The following GRM1 variants were observed in gnomAD, a reference collection of about 807,000 sequenced individuals.
The protein encoded by GRM1 is glutamate metabotropic receptor 1.
GRM1 carries 33 observed loss-of-function variants against 90.9 expected under a neutral mutation model. The observed-to-expected ratio is 0.36, with a 90% CI of 0.28 to 0.49. The LOEUF (loss-of-function observed/expected upper bound fraction) is 0.49, where lower values mean the gene tolerates loss of function less well. Ranked by LOEUF, GRM1 falls within the 20% of genes least tolerant of loss-of-function variation. The probability of loss-of-function intolerance (pLI) is 0.99; values close to 1 mark genes in which losing one functional copy is unlikely to be tolerated. For missense variants in GRM1, 1,190 were observed against 1,534.3 expected (o/e 0.78, Z 3.75); for synonymous variants, 700 against 613.2 (o/e 1.14, Z -2.09).
intron 6 of GRM1, among the ~76,000 whole-genome samples, chr6:146,392,293 G>A (rs994705505): frequency 1.3e-5 from 2 of 152,084 alleles, no homozygotes; most frequent in South Asian, 4.1e-4. Context: ...CCAATCCACA[G>A]TTAAAGTCTA....
chr6:146,252,001 T>C (rs1005701811), intron 2 of GRM1, among the ~76,000 whole-genome samples: 11 of 152,306 alleles, frequency 7.2e-5, no homozygotes, highest in Non-Finnish European at 1.5e-4. Flanking sequence ...ACCACCTTCA[T>C]AGAATTGTAA....
At chr6:146,241,623 T>G (rs765664556) in intron 2 of GRM1, among the ~76,000 whole-genome samples, 1 of 152,130 alleles carries the variant, frequency 6.6e-6, no homozygotes, top group Non-Finnish European at 1.5e-5. Context: ...CACTAACTGT[T>G]TAATATCCAT....
chr6:146,201,534 A>G (rs1779296897), intron 2 of GRM1, among the ~76,000 whole-genome samples: 1 of 152,162 alleles, frequency 6.6e-6, no homozygotes, highest in South Asian at 2.1e-4. Context: ...AGAGACAGAG[A>G]TCATCTCTCT....
intron 2 of GRM1, among the ~76,000 whole-genome samples, chr6:146,272,036 C>G (rs1350278883): frequency 6.6e-6 from 1 of 152,150 alleles, no homozygotes; most frequent in Non-Finnish European, 1.5e-5. Flanking sequence ...TCAGTGTTTT[C>G]AGTGTTCCAA....
intron 2 of GRM1, among the ~76,000 whole-genome samples, chr6:146,205,368 C>A (rs1056234382): frequency 1.3e-5 from 2 of 151,958 alleles, no homozygotes; most frequent in Non-Finnish European, 2.9e-5. Context: ...TATTTATTTT[C>A]CTCATTCCTT....
chr6:146,341,686 T>A lies in GRM1; in HGVS notation c.1187-10564T>A, dbSNP rs554755084. Among the ~76,000 whole-genome samples the A allele has an allele frequency of 2.0e-5, 3 of 152,282 alleles. No homozygotes were observed. In the South Asian group the frequency reaches 6.2e-4, roughly 32 times the overall value. On this transcript the variant is annotated intron_variant, in intron 3 of 7. Coordinates refer to ENST00000282753, the MANE Select transcript of GRM1 (RefSeq NM_001278064.2). ...AAAGTTCCACAGTCAACAGAAACAT[T>A]GGCCCAGAGATGCTAAACTCCGTAT...
chr6:146,426,358 T>C (rs566040862), intron 7 of GRM1, among the ~76,000 whole-genome samples: 1 of 152,056 alleles, frequency 6.6e-6, no homozygotes, highest in South Asian at 2.1e-4. Context: ...TGGAAAGAGA[T>C]GCACCCCACT....
chr6:146,140,577 G>A (rs2128883826), intron 1 of GRM1, among the ~76,000 whole-genome samples: 1 of 152,226 alleles, frequency 6.6e-6, no homozygotes, highest in Non-Finnish European at 1.5e-5. Flanking sequence ...CCTGTTATAT[G>A]TTTTTTGGTT....
At chr6:146,135,943 C>T (rs112961758) in intron 1 of GRM1, among the ~76,000 whole-genome samples, 4 of 152,126 alleles carry the variant, frequency 2.6e-5, no homozygotes, top group Non-Finnish European at 4.4e-5. Context: ...CTACCCTTCC[C>T]AGCCTCTGGG....
At chr6:146,246,004 A>G (rs1781048053) in intron 2 of GRM1, among the ~76,000 whole-genome samples, 1 of 152,210 alleles carries the variant, frequency 6.6e-6, no homozygotes, top group Non-Finnish European at 1.5e-5. Flanking sequence ...CTTCTGATGT[A>G]CACTCTTATT....
chr6:146,324,068 G>A (rs765512858), intron 3 of GRM1, among the ~76,000 whole-genome samples: 4 of 152,164 alleles, frequency 2.6e-5, no homozygotes, highest in African/African-American at 4.8e-5. Context: ...TTGACTTGGC[G>A]ATGTTCTTTC....
intron 1 of GRM1, among the ~76,000 whole-genome samples, chr6:146,041,289 C>A (rs1791092901): frequency 6.6e-6 from 1 of 151,988 alleles, no homozygotes; most frequent in Admixed American, 6.6e-5. Flanking sequence ...AAGGTTATGG[C>A]TCCCTGTTTG....
At chr6:146,431,957 A>G (rs1178468640) in intron 7 of GRM1, among the ~76,000 whole-genome samples, 1 of 152,234 alleles carries the variant, frequency 6.6e-6, no homozygotes, top group East Asian at 1.9e-4. Flanking sequence ...CAGAAGAGCA[A>G]CTGTGGATTC....
In GRM1 at chr6:146,225,770, A is replaced by G. The variant is rs145678702; in HGVS notation, c.950+66173A>G. ...ATAATGGGATTATTAGAGTATTTGT[A>G]TGTTCATCAAAATAATAGAAATTTT... On this transcript the variant is annotated intron_variant, in intron 2 of 7. Transcript: ENST00000282753. Among the ~76,000 whole-genome samples, 1,359 of 152,268 alleles carry G rather than the reference A, an allele frequency of 8.9e-3. 10 individuals are homozygous for G. The highest frequency in any genetic ancestry group is 0.015 in the Non-Finnish European group (1,028 of 67,996).
intron 1 of GRM1, among the ~76,000 whole-genome samples, chr6:146,103,655 C>T (rs910592348): frequency 2.8e-4 from 42 of 152,154 alleles, no homozygotes; most frequent in African/African-American, 1.0e-3. Flanking sequence ...TGCAGCTTTG[C>T]CAGAGAAGCA....
chr6:146,030,207 C>G lies in GRM1; in HGVS notation c.690C>G (p.Val230=). The change falls in exon 1 of 8, where the codon GTC becomes GTG. Residue 230 remains valine (V), a synonymous_variant. Transcript: ENST00000282753. ...ACAATTGGACCTATGTCTCTGCAGT[C>G]CACACGGAAGGTAGGCATTATATTT... ...KRYNWTYVSA[V]HTEGNYGESG... 6.2e-7 allele frequency: 1 copy of G among 1,608,550 alleles called. No homozygotes were observed. Among genetic ancestry groups the G allele is most frequent in the Non-Finnish European group, 8.5e-7 (1 of 1,175,024 alleles).
Position 146,175,524 on chromosome 6 carries a change from T to C in GRM1, c.950+15927T>C, listed in dbSNP as rs931525638. 6.6e-5 allele frequency among the ~76,000 whole-genome samples: 10 copies of C among 152,322 alleles called. No homozygotes were observed. The East Asian group carries it at 1.9e-3, about 29-fold the overall frequency. ...TTTGCTGGGTTTATTGTGTTTTCCATGTGACTTTGAGGAGCAGTCTATGAA... is the reference window on the plus strand; with the variant it reads ...TTTGCTGGGTTTATTGTGTTTTCCACGTGACTTTGAGGAGCAGTCTATGAA... On this transcript the variant is annotated intron_variant, in intron 2 of 7. Coordinates refer to ENST00000282753, the MANE Select transcript of GRM1 (RefSeq NM_001278064.2).
At chr6:146,397,442 C>G (rs909460568) in intron 6 of GRM1, among the ~76,000 whole-genome samples, 1 of 138,134 alleles carries the variant, frequency 7.2e-6, no homozygotes, top group Admixed American at 7.5e-5. Context: ...CCACTGCACT[C>G]CAGCCTGGGC....
intron 2 of GRM1, among the ~76,000 whole-genome samples, chr6:146,220,655 T>A (rs561729721): frequency 2.0e-5 from 3 of 152,254 alleles, no homozygotes; most frequent in Non-Finnish European, 4.4e-5. Context: ...TCCTTTATAT[T>A]CTTTCCTTCT....
Sources: allele counts gnomAD v4.1 joint callset (sites outside exome capture counted in the v4.1 genomes callset), GRCh38; gene constraint gnomAD v4.1.1; transcripts MANE v1.5; gene names NCBI Gene and HGNC (gene_info 2026-07-23, HGNC 2026-07-21).